CRTAM: variants seen among roughly 807,000 people sequenced by gnomAD.
CRTAM encodes the protein cytotoxic and regulatory T cell molecule.
CRTAM carries 44 observed loss-of-function variants against 50.0 expected under a neutral mutation model. The ratio of observed to expected loss-of-function variants is 0.88; its 90% CI spans 0.69 to 1.13. The LOEUF (loss-of-function observed/expected upper bound fraction) is 1.13. Among genes scored for constraint, CRTAM ranks in the 50% most tolerant of loss-of-function variants. The pLI is 0.00. For missense variants in CRTAM, 448 were observed against 457.5 expected, an observed-to-expected ratio of 0.98 and a Z score of 0.19; for synonymous variants, 159 against 169.3, an observed-to-expected ratio of 0.94 and a Z score of 0.47.
chr11:122,861,839 A>G (rs1862087746), intron 5 of CRTAM, among the ~76,000 whole-genome samples: 1 of 152,140 alleles, frequency 6.6e-6, no homozygotes, highest in Non-Finnish European at 1.5e-5. Flanking sequence ...TAAAACCTAT[A>G]CTAGGCTGAC....
chr11:122,848,026 G>A (rs73602749), intron 1 of CRTAM, among the ~76,000 whole-genome samples: 19,168 of 152,188 alleles, frequency 0.13, 1,390 homozygotes, highest in African/African-American at 0.19. Context: ...CAGGGCTCTG[G>A]AATTTTATTC....
At position 122,871,409 on chromosome 11, in the gene CRTAM, C is replaced by A; in HGVS notation, c.*10C>A. ...AGAGAGTATTGTGTAGTGCTCTCTG[C>A]AATGGAACATGTGATTTCAGGGTTG... On this transcript the variant is annotated 3_prime_UTR_variant, in exon 10 of 10. Coordinates refer to ENST00000227348, the MANE Select transcript of CRTAM (RefSeq NM_019604.4). The A allele has an allele frequency of 6.2e-7, 1 of 1,605,788 alleles. No individual in the cohort carries two copies. The highest frequency in any genetic ancestry group is 8.5e-7 in the Non-Finnish European group (1 of 1,175,890).
chr11:122,847,865 C>T (rs908602910), intron 1 of CRTAM, among the ~76,000 whole-genome samples: 1 of 152,092 alleles, frequency 6.6e-6, no homozygotes, highest in Non-Finnish European at 1.5e-5. Context: ...TTCAGAAGAC[C>T]CAGTCTGACT....
intron 7 of CRTAM, among the ~76,000 whole-genome samples, chr11:122,865,563 G>A (rs561332624): frequency 1.3e-5 from 2 of 152,214 alleles, no homozygotes; most frequent in East Asian, 3.9e-4. Flanking sequence ...TGGGATTACA[G>A]GTGTGAGCCA....
intron 7 of CRTAM, among the ~76,000 whole-genome samples, chr11:122,865,314 C>T (rs1414095931): frequency 1.3e-5 from 2 of 152,264 alleles, no homozygotes; most frequent in East Asian, 1.9e-4. Flanking sequence ...GGATTACAGG[C>T]GTGAGCCACC....
rs751369190 is a variant in CRTAM at position 122,838,546 on chromosome 11, T to C, written c.-1T>C. ...AAGGTGCCACAGCAGCACAGCACAGTATGTGGTGGAGAGTTCTCAGCTTGC... is the reference window on the plus strand; with the variant it reads ...AAGGTGCCACAGCAGCACAGCACAGCATGTGGTGGAGAGTTCTCAGCTTGC... On this transcript the variant is annotated 5_prime_UTR_variant, in exon 1 of 10. Transcript: ENST00000227348. 22 of 1,614,052 alleles carry C rather than the reference T, an allele frequency of 1.4e-5. No individual in the cohort carries two copies. Among genetic ancestry groups the C allele is most frequent in the Non-Finnish European group, 1.8e-5 (21 of 1,179,944 alleles).
intron 5 of CRTAM, among the ~76,000 whole-genome samples, chr11:122,859,035 G>T (rs1862039707): frequency 6.6e-6 from 1 of 151,890 alleles, no homozygotes; most frequent in South Asian, 2.1e-4. Flanking sequence ...TTAAAACTGA[G>T]AAATTAAAAA....
At chr11:122,862,710 C>G (rs1192341646) in intron 6 of CRTAM, among the ~76,000 whole-genome samples, 166 bp downstream of exon 6, 2 of 152,254 alleles carry the variant, frequency 1.3e-5, no homozygotes, top group Admixed American at 6.5e-5. Context: ...AGAAGAACCA[C>G]ATCAGGCATC....
chr11:122,838,638 T>C, intron 1 of CRTAM, 46 bp downstream of exon 1: 4 of 1,574,996 alleles, frequency 2.5e-6, no homozygotes, highest in Non-Finnish European at 3.5e-6. Context: ...TGACTTAATG[T>C]TTTGCCACAT....
chr11:122,854,575 G>C (rs977154577), intron 4 of CRTAM, among the ~76,000 whole-genome samples: 1 of 151,108 alleles, frequency 6.6e-6, no homozygotes. Context: ...CAGGAGAATT[G>C]CTTGAACCCA....
chr11:122,870,942 G>C (rs1275491637), intron 9 of CRTAM, among the ~76,000 whole-genome samples: 1 of 151,984 alleles, frequency 6.6e-6, no homozygotes, highest in Non-Finnish European at 1.5e-5. Context: ...AGCTGGGCAT[G>C]GTAGTGTGTG....
At chr11:122,859,732 T>C (rs1217745442) in intron 5 of CRTAM, among the ~76,000 whole-genome samples, 1 of 152,206 alleles carries the variant, frequency 6.6e-6, no homozygotes, top group Non-Finnish European at 1.5e-5. Context: ...GATTAGTTGC[T>C]ATGTGGACTC....
intron 5 of CRTAM, among the ~76,000 whole-genome samples, chr11:122,861,414 AT>A (rs1862078592): frequency 4.5e-5 from 1 of 22,046 alleles, no homozygotes; most frequent in Non-Finnish European, 7.6e-5. Context: ...ATATATATAT[AT>A]ATATATTTTT....
intron 1 of CRTAM, among the ~76,000 whole-genome samples, chr11:122,846,552 G>A (rs1457502659): frequency 1.3e-5 from 2 of 152,094 alleles, no homozygotes; most frequent in Non-Finnish European, 2.9e-5. Context: ...GCCTCCCAAA[G>A]TACTGGAATA....
At chr11:122,868,863 G>A (rs190911122) in intron 9 of CRTAM, among the ~76,000 whole-genome samples, 1 of 152,154 alleles carries the variant, frequency 6.6e-6, no homozygotes, top group East Asian at 1.9e-4. Context: ...AAAACAATTA[G>A]CCGGGCATGG....
intron 5 of CRTAM, among the ~76,000 whole-genome samples, chr11:122,858,349 C>T (rs1043511559): frequency 1.3e-5 from 2 of 152,062 alleles, no homozygotes; most frequent in African/African-American, 2.4e-5. Context: ...CCTCAGCCTC[C>T]GGGGTGGCTG....
intron 9 of CRTAM, 118 bp from the exon 10 acceptor site, chr11:122,871,151 A>T: frequency 1.1e-6 from 1 of 942,718 alleles, no homozygotes; most frequent in Non-Finnish European, 1.6e-6. Flanking sequence ...AGTAAGTTTT[A>T]GGTTTTTATA....
At chr11:122,865,414 T>C (rs554276221) in intron 7 of CRTAM, among the ~76,000 whole-genome samples, 2 of 152,294 alleles carry the variant, frequency 1.3e-5, no homozygotes, top group South Asian at 4.1e-4. Context: ...TTCTCTCTTT[T>C]TTTTTTCTGG....
chr11:122,844,572 A>G (rs1272647102), intron 1 of CRTAM, among the ~76,000 whole-genome samples: 1 of 152,196 alleles, frequency 6.6e-6, no homozygotes, highest in African/African-American at 2.4e-5. Context: ...GTATCTGTCA[A>G]TCACCTACAT....
Sources: allele counts gnomAD v4.1 joint callset (sites outside exome capture counted in the v4.1 genomes callset), GRCh38; gene constraint gnomAD v4.1.1; transcripts MANE v1.5; gene names NCBI Gene and HGNC (gene_info 2026-07-23, HGNC 2026-07-21).